The following FOXN3 variants were observed in gnomAD, a reference collection of about 807,000 sequenced individuals.
FOXN3 encodes the protein forkhead box protein N3.
A neutral mutation model predicts 38.4 loss-of-function variants in FOXN3; 7 were observed. The ratio of observed to expected loss-of-function variants is 0.18; its 90% CI spans 0.10 to 0.34. The LOEUF is 0.34. FOXN3 is among the 10% of genes least tolerant of loss of function. The pLI is 1.00. For synonymous variants in FOXN3, 230 were observed against 242.2 expected (o/e 0.95, Z 0.47); for missense variants, 456 against 613.4 (o/e 0.74, Z 2.71).
At chr14:89,500,978 GCTAA>G (rs1028569298) in intron 1 of FOXN3, among the ~76,000 whole-genome samples, 3 of 152,336 alleles carry the variant, frequency 2.0e-5, no homozygotes, top group South Asian at 2.1e-4. Context: ...GGATTGAGTA[GCTAA>G]CTGTCCTCAG....
chr14:89,590,670 C>G (rs1489792820), intron 1 of FOXN3, among the ~76,000 whole-genome samples: 5 of 152,152 alleles, frequency 3.3e-5, no homozygotes, highest in Non-Finnish European at 7.3e-5. Flanking sequence ...CTCATTTGCC[C>G]TCGAGGCAAG....
chr14:89,332,916 A>G (rs989424251), intron 3 of FOXN3, among the ~76,000 whole-genome samples: 4 of 152,242 alleles, frequency 2.6e-5, no homozygotes, highest in East Asian at 1.9e-4. Flanking sequence ...AAAAATGGGT[A>G]AAGAACCTGA....
At chr14:89,616,889 A>AT (rs1896506381) in intron 1 of FOXN3, among the ~76,000 whole-genome samples, 1 of 152,190 alleles carries the variant, frequency 6.6e-6, no homozygotes, top group South Asian at 2.1e-4. Flanking sequence ...AGGAGACCAC[A>AT]TTTTTGGTTG....
intron 1 of FOXN3, among the ~76,000 whole-genome samples, chr14:89,541,580 T>C (rs1317502530): frequency 6.6e-6 from 1 of 152,158 alleles, no homozygotes; most frequent in Admixed American, 6.5e-5. Flanking sequence ...CATCAAGAAA[T>C]AACTATAAAA....
At chr14:89,535,949 C>A (rs930720417) in intron 1 of FOXN3, among the ~76,000 whole-genome samples, 1 of 152,192 alleles carries the variant, frequency 6.6e-6, no homozygotes, top group African/African-American at 2.4e-5. Flanking sequence ...AAGAATTAGT[C>A]GTATATTCTA....
chr14:89,585,393 G>T (rs972948310), intron 1 of FOXN3, among the ~76,000 whole-genome samples: 1 of 152,104 alleles, frequency 6.6e-6, no homozygotes, highest in Non-Finnish European at 1.5e-5. Context: ...CTTATTTGTT[G>T]TTGTTTTTAA....
chr14:89,203,533 G>T (rs1888288715), intron 4 of FOXN3, among the ~76,000 whole-genome samples: 1 of 152,220 alleles, frequency 6.6e-6, no homozygotes, highest in African/African-American at 2.4e-5. Context: ...CTCTGGGAAG[G>T]AGGGCATGGA....
At chr14:89,394,126 T>C (rs1196525065) in intron 2 of FOXN3, among the ~76,000 whole-genome samples, 6 of 151,840 alleles carry the variant, frequency 4.0e-5, no homozygotes. Flanking sequence ...ATGGCATTTA[T>C]CGATCCATGA....
At chr14:89,390,485 C>CT (rs981517856) in intron 2 of FOXN3, among the ~76,000 whole-genome samples, 32 of 124,806 alleles carry the variant, frequency 2.6e-4, no homozygotes, top group Admixed American at 1.8e-3. Flanking sequence ...CTCTAAGCTG[C>CT]TTTTTAAAAA....
chr14:89,518,805 A>C (rs1894260823), intron 1 of FOXN3, among the ~76,000 whole-genome samples: 1 of 152,124 alleles, frequency 6.6e-6, no homozygotes, highest in Non-Finnish European at 1.5e-5. Flanking sequence ...TCATGAGGCC[A>C]GGAGTTCAAG....
chr14:89,492,050 C>T (rs976054105), intron 1 of FOXN3, among the ~76,000 whole-genome samples: 5 of 152,156 alleles, frequency 3.3e-5, no homozygotes, highest in African/African-American at 9.6e-5. Context: ...GTTGGAAAGG[C>T]CTGCTCCAGC....
At chr14:89,615,952 T>C (rs1232368832) in intron 1 of FOXN3, among the ~76,000 whole-genome samples, 1 of 152,186 alleles carries the variant, frequency 6.6e-6, no homozygotes, top group African/African-American at 2.4e-5. Flanking sequence ...AAATTGTTAA[T>C]TGAACAAGTT....
At chr14:89,202,187 T>C (rs1036956362) in intron 4 of FOXN3, among the ~76,000 whole-genome samples, 2 of 152,176 alleles carry the variant, frequency 1.3e-5, no homozygotes, top group South Asian at 4.1e-4. Context: ...ACTCTGAACA[T>C]AGGCTCACTT....
chr14:89,324,480 GTGTGTA>G (rs763234670), intron 3 of FOXN3, among the ~76,000 whole-genome samples: 194 of 144,684 alleles, frequency 1.3e-3, no homozygotes, highest in Non-Finnish European at 1.3e-3. Flanking sequence ...GTGTGTGTGT[GTGTGTA>G]TGTACCCACA....
chr14:89,472,402 T>C (rs1272344247), intron 1 of FOXN3, among the ~76,000 whole-genome samples: 1 of 151,886 alleles, frequency 6.6e-6, no homozygotes, highest in Non-Finnish European at 1.5e-5. Context: ...AAGTTGGTAA[T>C]TGTCAAGTGT....
rs188123829 is a variant in FOXN3 at position 89,372,946 on chromosome 14, G to A, written c.544-22138C>T. 1.3e-3 allele frequency among the ~76,000 whole-genome samples: 199 copies of A among 152,208 alleles called. 2 individuals are homozygous for A. The highest frequency in any genetic ancestry group is 4.5e-3 in the African/African-American group (186 of 41,538). On this transcript the variant is annotated intron_variant, in intron 2 of 5. Coordinates refer to ENST00000557258, the MANE Select transcript of FOXN3 (RefSeq NM_005197.4). ...GCGCTTAGGCCAAGGCGGAAGGATC[G>A]CTTGAGCCCAGGAGTTCGAGACCAG... is the stretch of plus-strand genomic sequence containing the variant.
intron 4 of FOXN3, among the ~76,000 whole-genome samples, chr14:89,209,248 G>T (rs575534871): frequency 9.8e-4 from 149 of 152,324 alleles, no homozygotes; most frequent in Non-Finnish European, 1.7e-3. Flanking sequence ...CAAAGCCCAG[G>T]CAGCTAATCT....
intron 2 of FOXN3, among the ~76,000 whole-genome samples, chr14:89,382,121 C>T (rs991711815): frequency 1.3e-5 from 2 of 152,194 alleles, no homozygotes; most frequent in Non-Finnish European, 2.9e-5. Flanking sequence ...TCTAAGCAGA[C>T]TTAAACCTAG....
chr14:89,418,798 C>G (rs1269640040), upstream of FOXN3, among the ~76,000 whole-genome samples: 1 of 152,196 alleles, frequency 6.6e-6, no homozygotes, highest in Non-Finnish European at 1.5e-5. Context: ...CCTGCCCCTC[C>G]ATCAGCGCGT....
Sources: gnomAD v4.1 joint callset for allele counts (sites outside exome capture counted in the v4.1 genomes callset) on GRCh38, gnomAD v4.1.1 for gene constraint, MANE v1.5 for transcripts, NCBI Gene and HGNC (gene_info 2026-07-23, HGNC 2026-07-21) for gene names.